The following UBE2D2 variants were observed in gnomAD, a reference collection of about 807,000 sequenced individuals.
UBE2D2 encodes the protein ubiquitin conjugating enzyme E2 D2.
Under a neutral mutation model 24.2 loss-of-function variants are expected in UBE2D2, and 2 were observed. The ratio of observed to expected loss-of-function variants is 0.08; its 90% CI spans 0.03 to 0.26. The LOEUF is 0.26. Ranked by LOEUF, UBE2D2 falls within the 10% of genes least tolerant of loss-of-function variation. The pLI, the probability that UBE2D2 is intolerant of heterozygous loss-of-function variation, is 1.00. For missense variants in UBE2D2, 44 were observed against 177.6 expected, an observed-to-expected ratio of 0.25 and a Z score of 4.28; for synonymous variants, 58 against 56.5, an observed-to-expected ratio of 1.03 and a Z score of -0.12.
At chr5:139,606,265 A>C (rs1250179368) in intron 2 of UBE2D2, among the ~76,000 whole-genome samples, 1 of 152,014 alleles carries the variant, frequency 6.6e-6, no homozygotes, top group Non-Finnish European at 1.5e-5. Context: ...AGGTTCAAGC[A>C]ATTCTCCTGT....
At chr5:139,602,523 C>G (rs1754101888) in intron 2 of UBE2D2, among the ~76,000 whole-genome samples, 1 of 151,970 alleles carries the variant, frequency 6.6e-6, no homozygotes, top group African/African-American at 2.4e-5. Context: ...CAAAAAAATA[C>G]AAAAATTAGC....
rs78915683 is a variant in UBE2D2 at position 139,571,990 on chromosome 5, C to T, written c.24+10175C>T. On this transcript the variant is annotated intron_variant, in intron 1 of 6. Coordinates refer to ENST00000398733, the MANE Select transcript of UBE2D2 (RefSeq NM_003339.3). ...TTCCCTCTTCCATAAGAGCTACTTC[C>T]TTCCTCATCTTTATCCTTCCCATCT... 1.6e-3 allele frequency among the ~76,000 whole-genome samples: 248 copies of T among 151,798 alleles called. 1 individual carries two copies. The highest frequency in any genetic ancestry group is 5.7e-3 in the African/African-American group (238 of 41,436).
chr5:139,528,915 G>T (rs1016448023), intron 1 of UBE2D2, among the ~76,000 whole-genome samples: 1 of 152,118 alleles, frequency 6.6e-6, no homozygotes, highest in African/African-American at 2.4e-5. Context: ...AAGTGACTCT[G>T]AAGAAGATGA....
intron 1 of UBE2D2, among the ~76,000 whole-genome samples, chr5:139,539,529 G>A (rs1422194378): frequency 2.0e-5 from 3 of 152,066 alleles, no homozygotes; most frequent in African/African-American, 4.8e-5. Context: ...TGATGGTTAC[G>A]GGAATCTGTA....
chr5:139,607,365 TTG>T, intron 2 of UBE2D2, among the ~76,000 whole-genome samples: 1 of 152,222 alleles, frequency 6.6e-6, no homozygotes, highest in South Asian at 2.1e-4. Context: ...CTGCCTTTTT[TTG>T]GTACTGTAGA....
chr5:139,571,999 C>T (rs991433414), intron 1 of UBE2D2, among the ~76,000 whole-genome samples: 29 of 151,556 alleles, frequency 1.9e-4, no homozygotes, highest in Non-Finnish European at 2.9e-4. Flanking sequence ...CCTTCCTCAT[C>T]TTTATCCTTC....
At chr5:139,613,465 T>A (rs1457797406) in intron 2 of UBE2D2, among the ~76,000 whole-genome samples, 1 of 152,198 alleles carries the variant, frequency 6.6e-6, no homozygotes, top group Non-Finnish European at 1.5e-5. Flanking sequence ...CATGAGAACA[T>A]GGAACAAGCA....
At chr5:139,529,375 T>G (rs1480133124) in intron 1 of UBE2D2, among the ~76,000 whole-genome samples, 1 of 152,174 alleles carries the variant, frequency 6.6e-6, no homozygotes, top group Non-Finnish European at 1.5e-5. Context: ...TTGATGCCTG[T>G]GCTGCTATTA....
At chr5:139,570,598 G>A (rs1474178530) in intron 1 of UBE2D2, among the ~76,000 whole-genome samples, 1 of 151,114 alleles carries the variant, frequency 6.6e-6, no homozygotes, top group Non-Finnish European at 1.5e-5. Context: ...TGCAACCTCT[G>A]CCTCCTGAGT....
At chr5:139,556,953 G>C (rs1378783478), upstream of UBE2D2, among the ~76,000 whole-genome samples, 1 of 150,624 alleles carries the variant, frequency 6.6e-6, no homozygotes, top group Non-Finnish European at 1.5e-5. Context: ...TCCTGCCTCA[G>C]CCTCCTGAGT....
At chr5:139,592,669 C>G (rs1449686310) in intron 1 of UBE2D2, among the ~76,000 whole-genome samples, 1 of 149,082 alleles carries the variant, frequency 6.7e-6, no homozygotes, top group African/African-American at 2.5e-5. Context: ...GTGGCACGAC[C>G]TCGGCTCACT....
chr5:139,572,694 G>A (rs1348994835), intron 1 of UBE2D2, among the ~76,000 whole-genome samples: 2 of 145,378 alleles, frequency 1.4e-5, no homozygotes, highest in African/African-American at 2.6e-5. Flanking sequence ...TGCCCAGGCT[G>A]TAGTGCAATG....
At chr5:139,542,737 G>A (rs1049751239) in intron 1 of UBE2D2, among the ~76,000 whole-genome samples, 1 of 152,022 alleles carries the variant, frequency 6.6e-6, no homozygotes, top group Non-Finnish European at 1.5e-5. Flanking sequence ...GCAGATGAAG[G>A]GATAAACATA....
At chr5:139,598,919 CTTTTTTTTTTTTT>C (rs36027909) in intron 1 of UBE2D2, among the ~76,000 whole-genome samples, 2 of 76,232 alleles carry the variant, frequency 2.6e-5, no homozygotes, top group African/African-American at 1.4e-4. Context: ...AAATATATTC[CTTTTTTTTTTTTT>C]TTTTTTTTTT....
At chr5:139,561,230 G>A (rs1360742643), upstream of UBE2D2, 4 of 152,476 alleles carry the variant, frequency 2.6e-5, no homozygotes, top group Admixed American at 6.5e-5. Context: ...ACTCACAGGG[G>A]CGGCCCGTAT....
intron 2 of UBE2D2, among the ~76,000 whole-genome samples, chr5:139,608,288 C>T (rs964464289): frequency 6.6e-6 from 1 of 151,590 alleles, no homozygotes; most frequent in African/African-American, 2.4e-5. Context: ...AAAAAATTAG[C>T]CGGGTGAGGT....
At chr5:139,587,020 T>TG (rs1753743841) in intron 1 of UBE2D2, among the ~76,000 whole-genome samples, 1 of 152,172 alleles carries the variant, frequency 6.6e-6, no homozygotes, top group South Asian at 2.1e-4. Flanking sequence ...AAGATGGTGG[T>TG]GGGCCACTTC....
At chr5:139,561,177 T>C (rs901451767), upstream of UBE2D2, 3 of 152,648 alleles carry the variant, frequency 2.0e-5, no homozygotes, top group South Asian at 2.1e-4. Flanking sequence ...CTTCGCAGCG[T>C]CACGCCCTCC....
intron 1 of UBE2D2, among the ~76,000 whole-genome samples, chr5:139,529,872 C>A (rs1404169768): frequency 2.6e-5 from 4 of 152,116 alleles, no homozygotes; most frequent in Admixed American, 6.6e-5. Context: ...GTAGCCCAGT[C>A]TCTACAAGTC....
Sources: allele counts gnomAD v4.1 joint callset (sites outside exome capture counted in the v4.1 genomes callset), GRCh38; gene constraint gnomAD v4.1.1; transcripts MANE v1.5; gene names NCBI Gene and HGNC (gene_info 2026-07-23, HGNC 2026-07-21).